The following SSBP3 variants were observed in gnomAD, a reference collection of about 807,000 sequenced individuals.
SSBP3 encodes single stranded DNA binding protein 3, also known as single-stranded DNA-binding protein 3.
A neutral mutation model predicts 69.6 loss-of-function variants in SSBP3; 5 were observed. The observed-to-expected ratio is 0.07, with a 90% CI of 0.04 to 0.15. The LOEUF is 0.15. Ranked by LOEUF, SSBP3 falls within the 10% of genes least tolerant of loss-of-function variation. The pLI is 1.00. For missense variants in SSBP3, 312 were observed against 534.0 expected (o/e 0.58, Z 4.10); for synonymous variants, 196 against 193.4 (o/e 1.01, Z -0.11).
chr1:54,268,315 C>T (rs557296410), intron 5 of SSBP3, among the ~76,000 whole-genome samples: 57 of 152,336 alleles, frequency 3.7e-4, no homozygotes, highest in Admixed American at 5.9e-4. Context: ...CCTCCGCCAC[C>T]GCTCGCCAGC....
intron 4 of SSBP3, among the ~76,000 whole-genome samples, chr1:54,294,063 C>A (rs1488374263): frequency 6.9e-6 from 1 of 144,526 alleles, no homozygotes; most frequent in Non-Finnish European, 1.5e-5. Flanking sequence ...TCCCTTGAAC[C>A]CAGGAGGCGG....
intron 3 of SSBP3, among the ~76,000 whole-genome samples, chr1:54,403,147 C>G (rs1160572284): frequency 6.6e-6 from 1 of 152,168 alleles, no homozygotes; most frequent in Non-Finnish European, 1.5e-5. Context: ...CACAGCCACT[C>G]AAAGCCACCA....
intron 4 of SSBP3, among the ~76,000 whole-genome samples, chr1:54,377,171 C>T (rs1647273424): frequency 1.3e-5 from 2 of 152,138 alleles, no homozygotes; most frequent in Non-Finnish European, 2.9e-5. Context: ...TGCCACAGGC[C>T]TCATCGCCAT....
intron 4 of SSBP3, among the ~76,000 whole-genome samples, chr1:54,305,062 G>A (rs1051715119): frequency 6.6e-6 from 1 of 152,176 alleles, no homozygotes; most frequent in African/African-American, 2.4e-5. Context: ...GAGAAAGGCC[G>A]AGCAGAGACC....
Position 54,258,250 on chromosome 1 carries a change from C to T in SSBP3, c.367-101G>A, listed in dbSNP as rs1394455227. 1.6e-5 allele frequency: 4 copies of T among 242,530 alleles called. No homozygotes were observed. The highest frequency in any genetic ancestry group is 7.2e-5 in the Admixed American group (1 of 13,880). The allele number at this position is 242,530 out of a possible 1,614,324, so 15.0% of individuals were successfully genotyped here. ...AAATTAAACCAAAACGAAGGGTGGG[C>T]GGCGGGCGTGCGGGGGGGTGGGCTC... On this transcript the variant is annotated intron_variant, in intron 5 of 17. Coordinates refer to ENST00000610401, the Ensembl canonical transcript of SSBP3. The surrounding 1 kb of genome is among the most constrained non-coding windows in gnomAD (Gnocchi z 4.5).
intron 5 of SSBP3, among the ~76,000 whole-genome samples, chr1:54,262,117 C>T (rs1645026927): frequency 6.6e-6 from 1 of 152,124 alleles, no homozygotes; most frequent in Non-Finnish European, 1.5e-5. Flanking sequence ...CTGGCTCTGC[C>T]CCTGACTGCA....
At chr1:54,385,187 G>A (rs1647986487) in intron 4 of SSBP3, among the ~76,000 whole-genome samples, 2 of 152,178 alleles carry the variant, frequency 1.3e-5, no homozygotes, top group African/African-American at 4.8e-5. Context: ...CTGGCACTTA[G>A]GAAGAGAAAG....
chr1:54,256,086 A>AT (rs202033931), intron 7 of SSBP3, among the ~76,000 whole-genome samples: 2,361 of 152,118 alleles, frequency 0.016, 25 homozygotes, highest in African/African-American at 0.028. Context: ...AAAAAAAAAA[A>AT]AAGACAATTG....
chr1:54,361,783 A>G (rs1646956096), intron 4 of SSBP3, among the ~76,000 whole-genome samples: 1 of 152,144 alleles, frequency 6.6e-6, no homozygotes, highest in African/African-American at 2.4e-5. Context: ...CATGCCAGAT[A>G]CACTCAACCT....
chr1:54,298,228 C>T (rs568150912), intron 4 of SSBP3, among the ~76,000 whole-genome samples: 2 of 152,312 alleles, frequency 1.3e-5, no homozygotes, highest in Admixed American at 6.5e-5. Flanking sequence ...GAGCGCTGCC[C>T]TGCCCCACTG....
intron 4 of SSBP3, among the ~76,000 whole-genome samples, chr1:54,365,406 CTTAAA>C (rs934257051): frequency 8.5e-5 from 13 of 152,144 alleles, no homozygotes; most frequent in South Asian, 2.1e-4. Context: ...TTAAGACTTT[CTTAAA>C]TTAATTTCAA....
intron 4 of SSBP3, among the ~76,000 whole-genome samples, chr1:54,366,796 A>G (rs1647035500): frequency 6.6e-6 from 1 of 152,210 alleles, no homozygotes; most frequent in South Asian, 2.1e-4. Flanking sequence ...CCTCCTACAA[A>G]AGACTTTGAA....
chr1:54,280,723 A>C (rs910718384), intron 5 of SSBP3, among the ~76,000 whole-genome samples: 4 of 152,326 alleles, frequency 2.6e-5, no homozygotes, highest in Non-Finnish European at 1.5e-5. Context: ...GAGACAGAGG[A>C]GGCGGCGCAG....
intron 12 of SSBP3, 98 bp from the exon 13 acceptor site, chr1:54,241,057 C>T (rs1644628122): frequency 2.2e-6 from 3 of 1,339,830 alleles, no homozygotes; most frequent in Non-Finnish European, 2.1e-6. Context: ...AACTGCTCGC[C>T]CCAGGCCCAG....
At chr1:54,287,423 G>A (rs539452562) in intron 4 of SSBP3, 2 of 152,342 alleles carry the variant, frequency 1.3e-5, no homozygotes, top group Non-Finnish European at 2.9e-5. Flanking sequence ...AAAACACCAG[G>A]GGGTGGGAGG....
chr1:54,269,483 T>C (rs1359342902), intron 5 of SSBP3, among the ~76,000 whole-genome samples: 1 of 152,222 alleles, frequency 6.6e-6, no homozygotes, highest in African/African-American at 2.4e-5. Context: ...GTTCCTAAGC[T>C]CTTGGACCTT....
chr1:54,259,523 C>T (rs1644981190), intron 5 of SSBP3, among the ~76,000 whole-genome samples: 2 of 152,230 alleles, frequency 1.3e-5, no homozygotes, highest in Admixed American at 1.3e-4. Context: ...CGCTCTTCCC[C>T]ACCCATGACT....
At chr1:54,298,930 A>AACACACACACACACACACACAC (rs10525954) in intron 4 of SSBP3, among the ~76,000 whole-genome samples, 9,384 of 137,040 alleles carry the variant, frequency 0.068, 571 homozygotes, top group East Asian at 0.23. Context: ...ACAAAAACAA[A>AACACACACACACACACACACAC]ACACACACAC....
intron 4 of SSBP3, among the ~76,000 whole-genome samples, chr1:54,340,738 G>A (rs920793453): frequency 1.3e-5 from 2 of 152,132 alleles, no homozygotes; most frequent in East Asian, 3.9e-4. Flanking sequence ...CAGAAACGAC[G>A]TAAAACAAGG....
Sources: allele counts gnomAD v4.1 joint callset (sites outside exome capture counted in the v4.1 genomes callset), GRCh38; gene constraint gnomAD v4.1.1; non-coding constraint Gnocchi (gnomAD v3.1); transcripts MANE v1.5; gene names NCBI Gene and HGNC (gene_info 2026-07-23, HGNC 2026-07-21).